Variants in CTNNA2 observed in about 807,000 individuals in gnomAD.
CTNNA2 encodes the protein catenin alpha 2, also known as catenin alpha-2.
CTNNA2 carries 42 observed loss-of-function variants against 101.0 expected under a neutral mutation model. That is an observed-to-expected ratio of 0.42 (90% CI 0.32 to 0.54). The LOEUF (loss-of-function observed/expected upper bound fraction) is 0.54, where lower values mean the gene tolerates loss of function less well. Ranked by LOEUF, CTNNA2 falls within the 20% of genes least tolerant of loss-of-function variation. The probability of loss-of-function intolerance (pLI) is 0.14; values close to 1 mark genes in which losing one functional copy is unlikely to be tolerated. For missense variants in CTNNA2, 871 were observed against 1,223.1 expected (o/e 0.71, Z 4.29); for synonymous variants, 450 against 456.4 (o/e 0.99, Z 0.18).
intron 7 of CTNNA2, among the ~76,000 whole-genome samples, chr2:80,307,535 A>G (rs1271923445): frequency 6.6e-6 from 1 of 152,092 alleles, no homozygotes; most frequent in Non-Finnish European, 1.5e-5. Context: ...ATTCTCTCAT[A>G]TGTCTGTACC....
intron 7 of CTNNA2, among the ~76,000 whole-genome samples, chr2:80,328,692 C>T (rs1268347137): frequency 6.6e-6 from 1 of 152,176 alleles, no homozygotes; most frequent in Non-Finnish European, 1.5e-5. Context: ...TGTATTTGTG[C>T]ATGTTGTGTA....
intron 7 of CTNNA2, among the ~76,000 whole-genome samples, chr2:80,046,652 G>T (rs1222501947): frequency 6.6e-6 from 1 of 152,122 alleles, no homozygotes; most frequent in African/African-American, 2.4e-5. Context: ...TCACCTCCAG[G>T]CGATCAGGAG....
chr2:80,631,037 G>A (rs566077155), intron 18 of CTNNA2, among the ~76,000 whole-genome samples: 12 of 152,162 alleles, frequency 7.9e-5, no homozygotes, highest in African/African-American at 2.9e-4. Flanking sequence ...ATTTTTCCTG[G>A]CATTTTTTAA....
intron 9 of CTNNA2, among the ~76,000 whole-genome samples, chr2:80,447,197 C>T (rs1011256253): frequency 6.6e-6 from 1 of 152,150 alleles, no homozygotes; most frequent in South Asian, 2.1e-4. Context: ...TTTTCTTCTG[C>T]AAGAGCTAGA....
At chr2:80,419,041 G>C (rs1317451920) in intron 8 of CTNNA2, among the ~76,000 whole-genome samples, 2 of 152,132 alleles carry the variant, frequency 1.3e-5, no homozygotes, top group African/African-American at 4.8e-5. Context: ...TTCACGGTTG[G>C]CTTCAAAGTT....
chr2:79,795,226 T>C (rs1015147525), intron 3 of CTNNA2, among the ~76,000 whole-genome samples: 1 of 152,204 alleles, frequency 6.6e-6, no homozygotes, highest in Non-Finnish European at 1.5e-5. Flanking sequence ...TGATATCTTT[T>C]TATATAACAT....
intron 7 of CTNNA2, among the ~76,000 whole-genome samples, chr2:80,206,810 A>G (rs908859243): frequency 6.6e-6 from 1 of 152,218 alleles, no homozygotes; most frequent in African/African-American, 2.4e-5. Flanking sequence ...AATCACTAAT[A>G]ATTTGAGCAT....
chr2:79,893,523 G>T (rs1184601278), intron 6 of CTNNA2, among the ~76,000 whole-genome samples: 1 of 152,036 alleles, frequency 6.6e-6, no homozygotes, highest in Non-Finnish European at 1.5e-5. Flanking sequence ...TCTTTAATTT[G>T]GGCTCCCCAA....
At chr2:80,266,392 G>A (rs1489777936) in intron 7 of CTNNA2, among the ~76,000 whole-genome samples, 3 of 152,224 alleles carry the variant, frequency 2.0e-5, no homozygotes, top group Non-Finnish European at 4.4e-5. Flanking sequence ...GGTGGTAGGT[G>A]GCTAAGAGAG....
intron 1 of CTNNA2, among the ~76,000 whole-genome samples, chr2:79,520,233 T>C (rs193159287): frequency 1.7e-4 from 26 of 152,356 alleles, no homozygotes; most frequent in African/African-American, 6.3e-4. Flanking sequence ...ATATATCTGT[T>C]ACCCTAAAAT....
Position 79,343,088 on chromosome 2 carries a change from G to T in CTNNA2, c.-318+30292G>T, listed in dbSNP as rs577876449. Among the ~76,000 whole-genome samples the T allele has an allele frequency of 7.9e-5, 12 of 152,186 alleles. No homozygotes were observed. The South Asian group carries it at 2.3e-3, about 29-fold the overall frequency. On this transcript the variant is annotated intron_variant, in intron 3 of 21. Transcript: ENST00000466387. ...CTGTGCACATTGATTTATGTACAAGGTTATTCATTATAGAATGTTTGATGT... is the reference window on the plus strand; with the variant it reads ...CTGTGCACATTGATTTATGTACAAGTTTATTCATTATAGAATGTTTGATGT...
chr2:80,151,840 G>C (rs895823072), intron 7 of CTNNA2, among the ~76,000 whole-genome samples: 20 of 152,222 alleles, frequency 1.3e-4, no homozygotes, highest in Admixed American at 1.2e-3. Context: ...TGCCTCTTCT[G>C]CTGCCAACCC....
chr2:80,516,242 C>A (rs150871456), intron 9 of CTNNA2, among the ~76,000 whole-genome samples: 2 of 152,270 alleles, frequency 1.3e-5, no homozygotes, highest in East Asian at 3.9e-4. Context: ...AATATCTAAG[C>A]AACATTGGGT....
In CTNNA2 at chr2:80,425,708, G is replaced by GT. The variant is rs200540908; in HGVS notation, c.1290+6115dup. On this transcript the variant is annotated intron_variant, in intron 9 of 18. Coordinates refer to ENST00000402739, the MANE Select transcript of CTNNA2 (RefSeq NM_001282597.3). ...ATTCAGTTTGCTATCTATTTTATGG[G>GT]TTTTTTTTCCCTTGTATTTGTGTGC... Among the ~76,000 whole-genome samples, 445 of 151,674 alleles carry GT rather than the reference G, an allele frequency of 2.9e-3. 4 individuals are homozygous for GT. The highest frequency in any genetic ancestry group is 0.01 in the African/African-American group (419 of 41,360).
intron 4 of CTNNA2, among the ~76,000 whole-genome samples, chr2:79,375,894 C>A (rs555273001): frequency 6.6e-6 from 1 of 152,228 alleles, no homozygotes; most frequent in South Asian, 2.1e-4. Context: ...CAAGCATAAT[C>A]AAGAAATGCT....
intron 7 of CTNNA2, among the ~76,000 whole-genome samples, chr2:80,193,266 A>C (rs892734551): frequency 6.6e-6 from 1 of 152,194 alleles, no homozygotes; most frequent in African/African-American, 2.4e-5. Flanking sequence ...TTCCACTTAC[A>C]TGTACATCAA....
chr2:79,844,689 C>T (rs1242230400), intron 3 of CTNNA2, among the ~76,000 whole-genome samples: 1 of 152,112 alleles, frequency 6.6e-6, no homozygotes, highest in Non-Finnish European at 1.5e-5. Flanking sequence ...CCCTAAAGCC[C>T]GCTTTTCATT....
At chr2:79,206,208 G>C (rs1674097463) in intron 2 of CTNNA2, among the ~76,000 whole-genome samples, 1 of 151,640 alleles carries the variant, frequency 6.6e-6, no homozygotes, top group South Asian at 2.1e-4. Context: ...ATCTGTGTTA[G>C]GATACAAAGA....
At chr2:80,362,088 C>G (rs141072522) in intron 7 of CTNNA2, among the ~76,000 whole-genome samples, 54 of 152,208 alleles carry the variant, frequency 3.5e-4, no homozygotes, top group Non-Finnish European at 6.5e-4. Context: ...AAAACAAACT[C>G]TTATCTTTAT....
Sources: gnomAD v4.1 joint callset for allele counts (sites outside exome capture counted in the v4.1 genomes callset) on GRCh38, gnomAD v4.1.1 for gene constraint, MANE v1.5 for transcripts, NCBI Gene and HGNC (gene_info 2026-07-23, HGNC 2026-07-21) for gene names.